Variants in TENM2 observed in about 807,000 individuals in gnomAD.
TENM2 encodes the protein teneurin transmembrane protein 2.
TENM2 carries 52 observed loss-of-function variants against 245.2 expected under a neutral mutation model. That is an observed-to-expected ratio of 0.21 (90% CI 0.17 to 0.27). The LOEUF (loss-of-function observed/expected upper bound fraction) is 0.27. TENM2 is among the 10% of genes least tolerant of loss of function. The probability of loss-of-function intolerance (pLI) is 1.00; values close to 1 mark genes in which losing one functional copy is unlikely to be tolerated. For synonymous variants in TENM2, 1,363 were observed against 1,438.9 expected, an observed-to-expected ratio of 0.95 and a Z score of 1.19; for missense variants, 3,046 against 3,666.8, an observed-to-expected ratio of 0.83 and a Z score of 4.37.
chr5:167,800,744 G>C (rs1169026973), intron 2 of TENM2, among the ~76,000 whole-genome samples: 1 of 152,114 alleles, frequency 6.6e-6, no homozygotes, highest in African/African-American at 2.4e-5. Context: ...AGGCCATGCT[G>C]ACTGTAAAAT....
At chr5:167,233,596 T>C in the TENM2 span, among the ~76,000 whole-genome samples, 1 of 152,188 alleles carries the variant, frequency 6.6e-6, no homozygotes, top group Non-Finnish European at 1.5e-5. Context: ...GAGAGTGAAA[T>C]AGTGCTTAAC....
At chr5:167,074,361 T>C in the TENM2 span, among the ~76,000 whole-genome samples, 2 of 152,124 alleles carry the variant, frequency 1.3e-5, no homozygotes, top group Admixed American at 6.5e-5. Flanking sequence ...GAAGACTATG[T>C]CTTAGGTGGC....
intron 2 of TENM2, among the ~76,000 whole-genome samples, chr5:167,490,950 C>T (rs1316966256): frequency 6.6e-6 from 1 of 152,084 alleles, no homozygotes; most frequent in Non-Finnish European, 1.5e-5. Context: ...ATGTTGACTT[C>T]ATTTATCAGA....
At chr5:167,808,460 A>C (rs576625335) in intron 2 of TENM2, among the ~76,000 whole-genome samples, 2 of 152,258 alleles carry the variant, frequency 1.3e-5, no homozygotes, top group Admixed American at 1.3e-4. Flanking sequence ...GGGTTTTGCC[A>C]TGTTGGCCAG....
At chr5:168,213,696 T>C (rs754557499) in intron 20 of TENM2, among the ~76,000 whole-genome samples, 15 of 151,384 alleles carry the variant, frequency 9.9e-5, no homozygotes, top group African/African-American at 1.9e-4. Flanking sequence ...TAGCCAGGCA[T>C]GGTGGCATGC....
At chr5:167,452,816 G>A (rs994256583) in intron 2 of TENM2, among the ~76,000 whole-genome samples, 5 of 150,518 alleles carry the variant, frequency 3.3e-5, no homozygotes, top group Non-Finnish European at 7.4e-5. Context: ...AGCATTAGGA[G>A]ATATACCTAA....
chr5:168,139,752 G>A (rs1385541984), intron 12 of TENM2, among the ~76,000 whole-genome samples: 1 of 152,210 alleles, frequency 6.6e-6, no homozygotes, highest in African/African-American at 2.4e-5. Flanking sequence ...AGGCCAGGGA[G>A]GGGTGACAAA....
intron 1 of TENM2, among the ~76,000 whole-genome samples, chr5:167,350,243 A>G (rs975322611): frequency 6.6e-6 from 1 of 152,094 alleles, no homozygotes; most frequent in Non-Finnish European, 1.5e-5. Context: ...GTCTGACTAA[A>G]TGGCAGTTAT....
intron 2 of TENM2, among the ~76,000 whole-genome samples, chr5:167,566,765 GT>G (rs1773935605): frequency 6.6e-6 from 1 of 152,156 alleles, no homozygotes; most frequent in Admixed American, 6.6e-5. Flanking sequence ...CTTACTTAGA[GT>G]TTCATTGAGG....
At chr5:167,235,235 A>C in the TENM2 span, among the ~76,000 whole-genome samples, 2 of 152,162 alleles carry the variant, frequency 1.3e-5, no homozygotes, top group Non-Finnish European at 2.9e-5. Flanking sequence ...GCATTGGATT[A>C]GAGTCCCTCC....
intron 18 of TENM2, among the ~76,000 whole-genome samples, 160 bp downstream of exon 20, chr5:168,203,992 AT>A (rs928184502): frequency 9.3e-5 from 14 of 150,994 alleles, no homozygotes; most frequent in African/African-American, 3.4e-4. Flanking sequence ...TTCTTTTATT[AT>A]TTTTTTATTT....
At chr5:167,527,065 C>G (rs1771170712) in intron 2 of TENM2, among the ~76,000 whole-genome samples, 1 of 152,108 alleles carries the variant, frequency 6.6e-6, no homozygotes, top group African/African-American at 2.4e-5. Context: ...ATTCCACACT[C>G]TCTCCCAACA....
intron 2 of TENM2, among the ~76,000 whole-genome samples, chr5:167,537,060 G>A (rs1240049973): frequency 2.0e-5 from 3 of 151,970 alleles, no homozygotes; most frequent in Non-Finnish European, 2.9e-5. Context: ...CCAGTACAAA[G>A]TTTAGCATGC....
Position 167,392,349 on chromosome 5 carries a change from G to A in TENM2, c.502+16876G>A, listed in dbSNP as rs530229574. Among the ~76,000 whole-genome samples, 26 of 152,302 alleles carry A rather than the reference G, an allele frequency of 1.7e-4. 1 individual carries two copies. In the South Asian group the frequency reaches 5.4e-3, roughly 32 times the overall value. On this transcript the variant is annotated intron_variant, in intron 2 of 28. Transcript: ENST00000518659. ...GGGTGTGCCTGAGAGGTTGTTGCTA[G>A]AAGAGATTAGCTTTTGAATTAGTGG... is the stretch of plus-strand genomic sequence containing the variant.
chr5:168,173,293 G>C (rs1047576700), intron 13 of TENM2, among the ~76,000 whole-genome samples: 4 of 152,158 alleles, frequency 2.6e-5, no homozygotes, highest in African/African-American at 9.7e-5. Flanking sequence ...GCAGACCTGA[G>C]ACTGGAGTCC....
rs79819309 is a variant in TENM2, at chr5:167,916,459, C to T, written c.713-36129C>T. ...CCACTGCTCGGTGGTGCACCTTTGC[C>T]ACCAGGTCAGGGAAATCATCAATCC... On this transcript the variant is annotated intron_variant, in intron 3 of 28. Coordinates refer to ENST00000518659, the Ensembl canonical transcript of TENM2. Among the ~76,000 whole-genome samples, 123 of 152,120 alleles carry T rather than the reference C, an allele frequency of 8.1e-4. 1 individual carries two copies. The East Asian group carries it at 0.022, about 27-fold the overall frequency.
chr5:168,055,493 T>C (rs1370772740), intron 6 of TENM2, among the ~76,000 whole-genome samples: 5 of 152,344 alleles, frequency 3.3e-5, no homozygotes, highest in Non-Finnish European at 5.9e-5. Flanking sequence ...CGTATCTTAA[T>C]ACATGTGACC....
chr5:167,424,174 T>C (rs757161600), intron 2 of TENM2, among the ~76,000 whole-genome samples: 103 of 150,060 alleles, frequency 6.9e-4, no homozygotes, highest in Non-Finnish European at 1.4e-3. Flanking sequence ...ATGCCCCACC[T>C]GACGTCCTTC....
At chr5:167,902,136 C>G (rs973880254) in intron 3 of TENM2, among the ~76,000 whole-genome samples, 1 of 151,964 alleles carries the variant, frequency 6.6e-6, no homozygotes, top group Non-Finnish European at 1.5e-5. Flanking sequence ...TTTTTAGGAG[C>G]AGGTTCTGGG....
Sources: allele counts gnomAD v4.1 joint callset (sites outside exome capture counted in the v4.1 genomes callset), GRCh38; gene constraint gnomAD v4.1.1; transcripts MANE v1.5; gene names NCBI Gene and HGNC (gene_info 2026-07-23, HGNC 2026-07-21).